The following TAF3 variants were observed in gnomAD, a reference collection of about 807,000 sequenced individuals.
The protein encoded by TAF3 is transcription initiation factor TFIID subunit 3.
A neutral mutation model predicts 80.6 loss-of-function variants in TAF3; 7 were observed. That is an observed-to-expected ratio of 0.09 (90% CI 0.05 to 0.16). The LOEUF (loss-of-function observed/expected upper bound fraction) is 0.16. Ranked by LOEUF, TAF3 falls within the 10% of genes least tolerant of loss-of-function variation. TAF3 has a pLI of 1.00. For synonymous variants in TAF3, 444 were observed against 446.1 expected (o/e 1.00, Z 0.06); for missense variants, 921 against 1,140.2 (o/e 0.81, Z 2.77).
intron 4 of TAF3, among the ~76,000 whole-genome samples, chr10:8,003,005 A>G (rs569384188): frequency 1.3e-5 from 2 of 152,210 alleles, no homozygotes; most frequent in South Asian, 4.1e-4. Context: ...TTGTATTTGT[A>G]TACATCTTTT....
In TAF3 at chr10:8,016,465, A is replaced by AT. The variant is rs1832106142; in HGVS notation, c.*1714_*1715insT. On this transcript the variant is annotated 3_prime_UTR_variant, in exon 7 of 7. Transcript: ENST00000344293. ...CCAGAATTTTTCTATCCCCGCTAAG[A>AT]AACAAAGCATCTATGTTGAGATATG... The AT allele has an allele frequency of 6.6e-6, 1 of 152,152 alleles. No homozygotes were observed. The highest frequency in any genetic ancestry group is 2.4e-5 in the African/African-American group (1 of 41,420). 9.4% of individuals were successfully genotyped at this position (152,152 alleles called of 1,614,324 possible).
Position 7,965,312 on chromosome 10 carries a change from A to T in TAF3, c.1802A>T (p.Lys601Ile), listed in dbSNP as rs1831558921. ...KIKEFEDVDP[K>I]VKLKDGLVRK... ...AAAGAATTTGAAGATGTTGATCCCA[A>T]AGTGAAATTGAAAGATGGACTTGTG... The change falls in exon 3 of 7, where the codon AAA becomes ATA. Residue 601 changes from lysine (K) to isoleucine (I), a missense_variant. By Grantham distance (102) the Lys-to-Ile change is moderately radical (BLOSUM62 -3). This residue lies in a region of TAF3 where 743 missense variants were observed against 821.0 expected (regional missense o/e 0.90). Transcript: ENST00000344293. 7 of 1,605,156 alleles carry T rather than the reference A, an allele frequency of 4.4e-6. No individual in the cohort carries two copies. The highest frequency in any genetic ancestry group is 1.3e-5 in the African/African-American group (1 of 74,120).
chr10:7,885,274 C>CACACACA (rs1268622854), intron 2 of TAF3, among the ~76,000 whole-genome samples: 15 of 133,744 alleles, frequency 1.1e-4, no homozygotes, highest in Admixed American at 3.9e-4. Flanking sequence ...ACACACACAC[C>CACACACA]CCCACACACA....
chr10:7,883,381 C>T lies in TAF3; in HGVS notation c.409+58821C>T, dbSNP rs561806544. 3.9e-5 allele frequency among the ~76,000 whole-genome samples: 6 copies of T among 152,278 alleles called. No homozygotes were observed. The South Asian group carries it at 6.2e-4, about 16-fold the overall frequency. ...TTATTTTCATCAGAAATACCGTAGA[C>T]GGTGGTGTGTTCTTCTAATGCCTCA... On this transcript the variant is annotated intron_variant, in intron 2 of 6. Transcript: ENST00000344293.
At chr10:7,974,158 A>G (rs1219772420) in intron 3 of TAF3, among the ~76,000 whole-genome samples, 1 of 151,724 alleles carries the variant, frequency 6.6e-6, no homozygotes, top group Non-Finnish European at 1.5e-5. Flanking sequence ...ACACACACAC[A>G]CACACACACA....
intron 2 of TAF3, among the ~76,000 whole-genome samples, chr10:7,872,213 A>ATTTT (rs34945620): frequency 0.045 from 5,474 of 121,890 alleles, 185 homozygotes; most frequent in African/African-American, 0.1. Context: ...TGTTGGGTTG[A>ATTTT]TTTTTTTTTT....
At chr10:7,959,012 C>T (rs994553749) in intron 2 of TAF3, among the ~76,000 whole-genome samples, 5 of 151,968 alleles carry the variant, frequency 3.3e-5, no homozygotes, top group Non-Finnish European at 1.5e-5. Context: ...TGGTGACGGG[C>T]GCCTGTAGTC....
At position 7,964,481 on chromosome 10, in the gene TAF3, C is replaced by A; in HGVS notation, c.971C>A (p.Pro324His). 6.2e-7 allele frequency: 1 copy of A among 1,613,484 alleles called. No homozygotes were observed. The highest frequency in any genetic ancestry group is 8.5e-7 in the Non-Finnish European group (1 of 1,179,800). The change falls in exon 3 of 7, where the codon CCC becomes CAC. Residue 324 changes from proline (P) to histidine (H), a missense_variant. Pro to His is a moderately conservative substitution (Grantham distance 77). Around this residue, in one of 6 missense-constraint regions of TAF3, gnomAD observed 743 missense variants for 821.0 expected, o/e 0.90. Coordinates refer to ENST00000344293, the MANE Select transcript of TAF3 (RefSeq NM_031923.4). This position sits in a 1 kb window ranked among gnomAD's most constrained non-coding sequence, Gnocchi z 4.1. ...AAGAGCCCCAAGAGTCCCAAGAGCC[C>A]CAAGGTCACGACTCACATTCCCCAA... The part of the protein sequence containing the change: ...RSKSPKSPKS[P>H]KVTTHIPQTP...
At chr10:7,912,723 T>A (rs903529549) in intron 2 of TAF3, among the ~76,000 whole-genome samples, 2 of 152,218 alleles carry the variant, frequency 1.3e-5, no homozygotes, top group Non-Finnish European at 2.9e-5. Context: ...CATTTAATAT[T>A]TCCCTACAAA....
intron 2 of TAF3, among the ~76,000 whole-genome samples, chr10:7,903,386 C>T (rs1257097950): frequency 6.6e-6 from 1 of 152,320 alleles, no homozygotes; most frequent in Admixed American, 6.5e-5. Flanking sequence ...GCCCCAGGCT[C>T]ACTGTGTACT....
chr10:7,918,969 T>C (rs899828282), intron 2 of TAF3, among the ~76,000 whole-genome samples: 2 of 151,970 alleles, frequency 1.3e-5, no homozygotes, highest in African/African-American at 4.8e-5. Context: ...GAAGAAGAAA[T>C]TGCTACCAGT....
intron 2 of TAF3, among the ~76,000 whole-genome samples, chr10:7,891,953 G>A (rs748283905): frequency 6.6e-6 from 1 of 152,286 alleles, no homozygotes; most frequent in African/African-American, 2.4e-5. Flanking sequence ...ATTACAATAT[G>A]TATATAAATT....
At chr10:7,884,494 C>G (rs1352166846) in intron 2 of TAF3, among the ~76,000 whole-genome samples, 1 of 148,472 alleles carries the variant, frequency 6.7e-6, no homozygotes, top group African/African-American at 2.5e-5. Context: ...TCAGGCGATT[C>G]TCCTGTCTCA....
chr10:7,829,095 C>T (rs1836772838), intron 2 of TAF3, among the ~76,000 whole-genome samples: 1 of 137,084 alleles, frequency 7.3e-6, no homozygotes, highest in African/African-American at 2.7e-5. Flanking sequence ...TTGCAGGAAA[C>T]TTACCAAGCT....
At chr10:7,937,980 G>A (rs186204013) in intron 2 of TAF3, among the ~76,000 whole-genome samples, 3 of 152,198 alleles carry the variant, frequency 2.0e-5, no homozygotes, top group Non-Finnish European at 2.9e-5. Flanking sequence ...ATTGAGGGCC[G>A]CTTAGAGGGG....
chr10:7,836,236 C>T lies in TAF3; in HGVS notation c.409+11676C>T, dbSNP rs12774096. The stretch of plus-strand genomic sequence containing the variant: ...TCCCCAAACTGTCCCTCTACATCCA[C>T]CTCTCAGACCCTGCAACCAGTTGCA... On this transcript the variant is annotated intron_variant, in intron 2 of 6. Transcript: ENST00000344293. Among the ~76,000 whole-genome samples the T allele has an allele frequency of 5.5e-3, 838 of 152,170 alleles. 8 individuals are homozygous for T. The highest frequency in any genetic ancestry group is 0.023 in the South Asian group (113 of 4,826).
intron 2 of TAF3, among the ~76,000 whole-genome samples, chr10:7,924,574 C>A (rs1046183995): frequency 3.9e-5 from 6 of 152,168 alleles, no homozygotes; most frequent in Admixed American, 6.5e-5. Flanking sequence ...TTTCCTAACA[C>A]GGAACTTATT....
intron 2 of TAF3, among the ~76,000 whole-genome samples, chr10:7,868,684 A>G (rs1837238078): frequency 6.6e-6 from 1 of 152,226 alleles, no homozygotes; most frequent in Non-Finnish European, 1.5e-5. Context: ...GTACCCACAT[A>G]ACAGGGTAGT....
chr10:7,904,165 C>G (rs1588546137), intron 2 of TAF3, among the ~76,000 whole-genome samples: 2 of 151,996 alleles, frequency 1.3e-5, no homozygotes. Flanking sequence ...CCTGTTCAGT[C>G]TCGCATAGTG....
Sources: gnomAD v4.1 joint callset for allele counts (sites outside exome capture counted in the v4.1 genomes callset) on GRCh38, gnomAD v4.1.1 for gene constraint, gnomAD v4.1.1 regional missense constraint, Gnocchi (gnomAD v3.1) non-coding constraint, MANE v1.5 for transcripts, NCBI Gene and HGNC (gene_info 2026-07-23, HGNC 2026-07-21) for gene names.